Variants in KIF6 observed in about 807,000 individuals in gnomAD.
KIF6 encodes kinesin-like protein KIF6.
A neutral mutation model predicts 112.7 loss-of-function variants in KIF6; 106 were observed. The ratio of observed to expected loss-of-function variants is 0.94; its 90% confidence interval spans 0.80 to 1.11. The LOEUF is 1.11. Ranked by LOEUF, KIF6 falls within the 50% of genes least tolerant of loss-of-function variation. The pLI, the probability that KIF6 is intolerant of heterozygous loss-of-function variation, is 0.00. For missense variants in KIF6, 929 were observed against 964.0 expected, an observed-to-expected ratio of 0.96 and a Z score of 0.48; for synonymous variants, 339 against 339.9, an observed-to-expected ratio of 1.00 and a Z score of 0.03.
chr6:39,444,207 C>T (rs763082239), intron 13 of KIF6, among the ~76,000 whole-genome samples: 6 of 152,094 alleles, frequency 3.9e-5, no homozygotes, highest in Non-Finnish European at 8.8e-5. Flanking sequence ...ATAACTATAC[C>T]CTAGGTTTGT....
At position 39,579,017 on chromosome 6, in the gene KIF6, T is replaced by C. The variant is rs142846386; in HGVS notation, c.1078-858A>G. On this transcript the variant is annotated intron_variant, in intron 9 of 22. Coordinates refer to ENST00000287152, the MANE Select transcript of KIF6 (RefSeq NM_145027.6). ...TTGATGAACATTTAGGATTTTTACTTTTGCTATTACGAACAGTGTTGCTAT... is the reference window on the plus strand; with the variant it reads ...TTGATGAACATTTAGGATTTTTACTCTTGCTATTACGAACAGTGTTGCTAT... 5.9e-5 allele frequency among the ~76,000 whole-genome samples: 9 copies of C among 152,316 alleles called. No individual in the cohort carries two copies. The East Asian group carries it at 1.2e-3, about 20-fold the overall frequency.
rs145940202 is a variant in KIF6 at position 39,713,086 on chromosome 6, T to G, written c.251+1606A>C. On this transcript the variant is annotated intron_variant, in intron 3 of 22. Coordinates refer to ENST00000287152, the MANE Select transcript of KIF6 (RefSeq NM_145027.6). ...GAGAAAGCCGCTATGAGCAAAGATT[T>G]CAAGTTGCTGAGGGAGAAACCATGC... Among the ~76,000 whole-genome samples the G allele has an allele frequency of 7.5e-3, 1,137 of 152,284 alleles. 5 individuals carry two copies. The highest frequency in any genetic ancestry group is 0.013 in the Non-Finnish European group (859 of 68,028).
chr6:39,337,822 C>T (rs1296700964), intron 22 of KIF6, among the ~76,000 whole-genome samples: 1 of 152,204 alleles, frequency 6.6e-6, no homozygotes, highest in Non-Finnish European at 1.5e-5. Context: ...CACGGTGTGA[C>T]TTTGGGCAAG....
intron 13 of KIF6, among the ~76,000 whole-genome samples, chr6:39,539,516 G>A (rs1023765449): frequency 6.6e-6 from 1 of 152,010 alleles, no homozygotes; most frequent in Admixed American, 6.6e-5. Context: ...GCTAATTTTT[G>A]CACTTTTTAG....
At chr6:39,568,336 G>C (rs994587721) in intron 10 of KIF6, among the ~76,000 whole-genome samples, 3 of 152,164 alleles carry the variant, frequency 2.0e-5, no homozygotes, top group African/African-American at 7.2e-5. Flanking sequence ...TTTTCAGGGA[G>C]AAATGGTGAG....
At chr6:39,526,637 T>G (rs959451803) in intron 13 of KIF6, among the ~76,000 whole-genome samples, 14 of 152,214 alleles carry the variant, frequency 9.2e-5, no homozygotes, top group Non-Finnish European at 1.6e-4. Context: ...CAGGTATCAT[T>G]TATTCATTTC....
In KIF6 at chr6:39,429,718, C is replaced by A. The variant is rs139574473; in HGVS notation, c.1754+1335G>T. Among the ~76,000 whole-genome samples, 921 of 152,250 alleles carry A rather than the reference C, an allele frequency of 6.0e-3. 34 individuals are homozygous for A. In the East Asian group the frequency reaches 0.088, roughly 15 times the overall value. ...AGGTCAGCAGATGAGACCATCGTGG[C>A]TAACACAGTGAAACCCCGTCTCTAC... is the stretch of plus-strand genomic sequence containing the variant. On this transcript the variant is annotated intron_variant, in intron 14 of 22. Coordinates refer to ENST00000287152, the MANE Select transcript of KIF6 (RefSeq NM_145027.6).
chr6:39,475,621 G>A (rs185564692), intron 13 of KIF6, among the ~76,000 whole-genome samples: 173 of 152,260 alleles, frequency 1.1e-3, no homozygotes, highest in Non-Finnish European at 2.2e-3. Context: ...CATACCTGCA[G>A]AAAAGTGTGG....
intron 13 of KIF6, 108 bp from the exon 14 acceptor site, chr6:39,431,269 C>T (rs1771138683): frequency 3.0e-6 from 2 of 658,884 alleles, no homozygotes; most frequent in Non-Finnish European, 5.4e-6. Flanking sequence ...AAGAGGCCCA[C>T]AGCAGAGAGA....
chr6:39,333,967 C>A lies in KIF6; in HGVS notation c.*2565G>T, dbSNP rs772038805. 1 of 152,272 alleles carries A rather than the reference C, an allele frequency of 6.6e-6. No homozygotes were observed. Among genetic ancestry groups the A allele is most frequent in the African/African-American group, 2.4e-5 (1 of 41,466 alleles). 9.4% of individuals were successfully genotyped at this position (152,272 alleles called of 1,614,324 possible). ...GGAAAGTCTTTTCAAAACATTGCAT[C>A]AATTTCTCCCATTTGCAGAGGCCAG... On this transcript the variant is annotated 3_prime_UTR_variant, in exon 23 of 23. Coordinates refer to ENST00000287152, the MANE Select transcript of KIF6 (RefSeq NM_145027.6).
intron 15 of KIF6, among the ~76,000 whole-genome samples, chr6:39,388,866 G>T (rs1026624256): frequency 6.6e-6 from 1 of 152,204 alleles, no homozygotes; most frequent in Non-Finnish European, 1.5e-5. Context: ...GAAGTAGGGA[G>T]CCCAGAATGG....
chr6:39,385,229 C>T (rs938237613), intron 16 of KIF6, among the ~76,000 whole-genome samples: 3 of 152,162 alleles, frequency 2.0e-5, no homozygotes, highest in Non-Finnish European at 2.9e-5. Flanking sequence ...GCAACAGACA[C>T]GGGTCTGTAA....
intron 13 of KIF6, among the ~76,000 whole-genome samples, chr6:39,486,044 A>G (rs1393903095): frequency 6.6e-6 from 1 of 152,200 alleles, no homozygotes; most frequent in African/African-American, 2.4e-5. Flanking sequence ...CCAGGCAATG[A>G]AGAACAATGC....
chr6:39,385,583 T>C, intron 16 of KIF6, 39 bp downstream of exon 16: 3 of 1,539,570 alleles, frequency 1.9e-6, no homozygotes, highest in Non-Finnish European at 2.7e-6. Context: ...CAGTTTATAT[T>C]ACCTTCATCC....
At chr6:39,489,659 T>C (rs1188052496) in intron 13 of KIF6, among the ~76,000 whole-genome samples, 1 of 152,096 alleles carries the variant, frequency 6.6e-6, no homozygotes, top group Non-Finnish European at 1.5e-5. Context: ...GTGACTGGTT[T>C]AATAGAAGCA....
At chr6:39,653,564 A>G (rs899732106) in intron 3 of KIF6, among the ~76,000 whole-genome samples, 5 of 152,238 alleles carry the variant, frequency 3.3e-5, no homozygotes, top group African/African-American at 7.2e-5. Context: ...GATGCCTGAC[A>G]TCTAAAAACT....
rs1432507464 is a variant in KIF6, at chr6:39,540,157, G to A, written c.1491C>T (p.Gly497=). The A allele has an allele frequency of 6.2e-7, 1 of 1,614,140 alleles. No homozygotes were observed. The highest frequency in any genetic ancestry group is 8.5e-7 in the Non-Finnish European group (1 of 1,180,020). ...KKAQEALHLA[G]MDRREFRQSQ... is the part of the protein sequence containing the mutation. ...ACTGTCTGAATTCACGTCTATCCAT[G>A]CCAGCCAAGTGGAGAGCCTCCTGAG... The change falls in exon 13 of 23, where the codon GGC becomes GGT. Residue 497 remains glycine (G), a synonymous_variant. Transcript: ENST00000287152.
chr6:39,650,678 G>A (rs1335790859), intron 3 of KIF6, among the ~76,000 whole-genome samples: 2 of 151,860 alleles, frequency 1.3e-5, no homozygotes. Flanking sequence ...CATCTAAGGA[G>A]GCAACTAAAA....
At chr6:39,708,495 G>A (rs1053712799) in intron 3 of KIF6, among the ~76,000 whole-genome samples, 1 of 152,144 alleles carries the variant, frequency 6.6e-6, no homozygotes, top group Non-Finnish European at 1.5e-5. Context: ...TGCCTTAGCT[G>A]TTCAGCACCA....
Sources: gnomAD v4.1 joint callset for allele counts (sites outside exome capture counted in the v4.1 genomes callset) on GRCh38, gnomAD v4.1.1 for gene constraint, MANE v1.5 for transcripts, NCBI Gene and HGNC (gene_info 2026-07-23, HGNC 2026-07-21) for gene names.